RFTN1: variants seen among roughly 807,000 people sequenced by gnomAD.
The protein encoded by RFTN1 is raftlin, lipid raft linker 1, also known as raftlin.
A neutral mutation model predicts 46.5 loss-of-function variants in RFTN1; 26 were observed. The observed-to-expected ratio is 0.56, with a 90% CI of 0.41 to 0.78. RFTN1 has a LOEUF of 0.78. RFTN1 is among the 30% of genes least tolerant of loss of function. The probability of loss-of-function intolerance (pLI) is 0.00; values close to 1 mark genes in which losing one functional copy is unlikely to be tolerated. For synonymous variants in RFTN1, 261 were observed against 284.2 expected (o/e 0.92, Z 0.82); for missense variants, 693 against 718.7 (o/e 0.96, Z 0.41).
At chr3:16,359,259 A>G (rs907098992) in intron 6 of RFTN1, among the ~76,000 whole-genome samples, 6 of 152,054 alleles carry the variant, frequency 3.9e-5, no homozygotes, top group Non-Finnish European at 7.4e-5. Flanking sequence ...TCTCTCATCT[A>G]TGGGATTATG....
rs957893120 is a variant in RFTN1 at position 16,324,621 on chromosome 3, C to CCCCCCCG, written c.1251-1165_1251-1164insCGGGGGG. Among the ~76,000 whole-genome samples the CCCCCCCG allele has an allele frequency of 1.9e-4, 26 of 136,604 alleles. 1 individual carries two copies. Among genetic ancestry groups the CCCCCCCG allele is most frequent in the Non-Finnish European group, 3.1e-4 (19 of 61,280 alleles). The allele number at this position is 136,604 out of a possible 152,430, so 89.6% of individuals were successfully genotyped here. Reference sequence around the variant, plus strand: ...ATAACAGAATGTCCCTGACCCCCCCCCTTTTAAGGTTGCATAGTATTCCAT... The same window carrying CCCCCCCG: ...ATAACAGAATGTCCCTGACCCCCCCCCCCCCCGCTTTTAAGGTTGCATAGTATTCCAT... On this transcript the variant is annotated intron_variant, in intron 8 of 9. Transcript: ENST00000334133.
chr3:16,404,328 A>T (rs1208568247), intron 4 of RFTN1, among the ~76,000 whole-genome samples: 1 of 32,630 alleles, frequency 3.1e-5, no homozygotes, highest in Non-Finnish European at 5.2e-5. Context: ...TATAATATAT[A>T]ATATATAATA....
rs543616660 is a variant in RFTN1 at position 16,360,832 on chromosome 3, T to C, written c.1031-2785A>G. ...TAAAAATATTATGGGAATTTAATGA[T>C]TTGGAAAAATGCTTTAGATACAATA... On this transcript the variant is annotated intron_variant, in intron 6 of 9. Coordinates refer to ENST00000334133, the MANE Select transcript of RFTN1 (RefSeq NM_015150.2). Among the ~76,000 whole-genome samples the C allele has an allele frequency of 2.0e-5, 3 of 152,322 alleles. No homozygotes were observed. In the East Asian group the frequency reaches 5.8e-4, roughly 29 times the overall value.
At chr3:16,369,702 T>C (rs1371657065) in intron 6 of RFTN1, among the ~76,000 whole-genome samples, 1 of 152,218 alleles carries the variant, frequency 6.6e-6, no homozygotes, top group African/African-American at 2.4e-5. Flanking sequence ...TACTTCAAAC[T>C]GTAATAGTGT....
rs2075837821 is a variant in RFTN1 at position 16,452,548 on chromosome 3, G to C, written c.146-18511C>G. On this transcript the variant is annotated intron_variant, in intron 2 of 9. Transcript: ENST00000334133. The surrounding 1 kb of genome is among the most constrained non-coding windows in gnomAD (Gnocchi z 6.3). The stretch of plus-strand genomic sequence containing the variant: ...AACGTTTGTTTTCAATGAATTCACT[G>C]TGAAAACACAATCAGTTTTGTGTTT... 2.0e-5 allele frequency among the ~76,000 whole-genome samples: 3 copies of C among 152,182 alleles called. No individual in the cohort carries two copies. Among genetic ancestry groups the C allele is most frequent in the African/African-American group, 7.2e-5 (3 of 41,442 alleles).
chr3:16,353,122 C>T lies in RFTN1; in HGVS notation c.1146+4810G>A, dbSNP rs548310958. ...GAGCTGGGCAGGGACGTTTTGTGGTCGGAGAGCTAGAGATTATAGGCCTGC... is the reference window on the plus strand; with the variant it reads ...GAGCTGGGCAGGGACGTTTTGTGGTTGGAGAGCTAGAGATTATAGGCCTGC... On this transcript the variant is annotated intron_variant, in intron 7 of 9. Transcript: ENST00000334133. This position sits in a 1 kb window ranked among gnomAD's most constrained non-coding sequence, Gnocchi z 5.4. 3.3e-5 allele frequency among the ~76,000 whole-genome samples: 5 copies of T among 152,202 alleles called. No homozygotes were observed. The East Asian group carries it at 5.8e-4, about 18-fold the overall frequency.
rs2074632923 is a variant in RFTN1, at chr3:16,402,637, G to A, written c.441+6738C>T. On this transcript the variant is annotated intron_variant, in intron 4 of 9. Coordinates refer to ENST00000334133, the MANE Select transcript of RFTN1 (RefSeq NM_015150.2). The surrounding 1 kb of genome is among the most constrained non-coding windows in gnomAD (Gnocchi z 4.5). ...AACAATCAGCCAGAAAGTAAATGAT[G>A]AGTCATTTACATAACAGGCAAAATT... Among the ~76,000 whole-genome samples, 1 of 152,118 alleles carries A rather than the reference G, an allele frequency of 6.6e-6. No homozygotes were observed. Among genetic ancestry groups the A allele is most frequent in the African/African-American group, 2.4e-5 (1 of 41,398 alleles).
rs1243591534 is a variant in RFTN1, at chr3:16,447,190, G to A, written c.146-13153C>T. 6.6e-6 allele frequency among the ~76,000 whole-genome samples: 1 copy of A among 152,136 alleles called. No homozygotes were observed. Among genetic ancestry groups the A allele is most frequent in the African/African-American group, 2.4e-5 (1 of 41,436 alleles). ...AAACCATTCACTAAGTCTACATAAA[G>A]TTCTATGCATTGTAAATGCATTTTA... On this transcript the variant is annotated intron_variant, in intron 2 of 9. Transcript: ENST00000334133. The surrounding 1 kb of genome is among the most constrained non-coding windows in gnomAD (Gnocchi z 5.9).
At position 16,338,794 on chromosome 3, in the gene RFTN1, A is replaced by G. The variant is rs959713383; in HGVS notation, c.1147-11918T>C. On this transcript the variant is annotated intron_variant, in intron 7 of 9. Transcript: ENST00000334133. This position sits in a 1 kb window ranked among gnomAD's most constrained non-coding sequence, Gnocchi z 5.3. ...CCTAGAAAAGAGAAAAGGGATTGAA[A>G]AAAGGAGCTTTTCCAAAGTGTATAA... 2.0e-5 allele frequency among the ~76,000 whole-genome samples: 3 copies of G among 152,206 alleles called. No homozygotes were observed. Among genetic ancestry groups the G allele is most frequent in the African/African-American group, 7.2e-5 (3 of 41,444 alleles).
In RFTN1 at chr3:16,512,416, C is replaced by CTTTTT. The variant is rs111862223; in HGVS notation, c.-9+1021_-9+1025dup. ...GACCACTGACAGAGATTGAGCCAGA[C>CTTTTT]TTTTTTTTTAAAAAAGTACTTCTTG... On this transcript the variant is annotated intron_variant, in intron 1 of 9. Coordinates refer to ENST00000334133, the MANE Select transcript of RFTN1 (RefSeq NM_015150.2). The surrounding 1 kb of genome is among the most constrained non-coding windows in gnomAD (Gnocchi z 4.3). Among the ~76,000 whole-genome samples, 1 of 33,278 alleles carries CTTTTT rather than the reference C, an allele frequency of 3.0e-5. No homozygotes were observed. Among genetic ancestry groups the CTTTTT allele is most frequent in the African/African-American group, 3.4e-4 (1 of 2,910 alleles). The allele number at this position is 33,278 out of a possible 152,430, so 21.8% of individuals were successfully genotyped here.
rs968198769 is a variant in RFTN1, at chr3:16,407,049, A to G, written c.441+2326T>C. ...GACAGATGGACATCTCCACTTGGGT[A>G]CTACAGAAACAACACCCCAGTAGCT... is the stretch of plus-strand genomic sequence containing the variant. On this transcript the variant is annotated intron_variant, in intron 4 of 9. Transcript: ENST00000334133. This position sits in a 1 kb window ranked among gnomAD's most constrained non-coding sequence, Gnocchi z 4.0. Among the ~76,000 whole-genome samples the G allele has an allele frequency of 3.3e-5, 5 of 152,206 alleles. No individual in the cohort carries two copies. The highest frequency in any genetic ancestry group is 1.2e-4 in the African/African-American group (5 of 41,438).
At chr3:16,333,755 G>GA (rs1005100620) in intron 7 of RFTN1, among the ~76,000 whole-genome samples, 4 of 152,080 alleles carry the variant, frequency 2.6e-5, no homozygotes, top group African/African-American at 9.7e-5. Context: ...AAATTGAAAA[G>GA]AAAAAATCCA....
rs1451321212 is a variant in RFTN1, at chr3:16,338,739, CTTCT to C, written c.1147-11867_1147-11864del. On this transcript the variant is annotated intron_variant, in intron 7 of 9. Transcript: ENST00000334133. This position sits in a 1 kb window ranked among gnomAD's most constrained non-coding sequence, Gnocchi z 5.3. ...GGGATCCTATATCATATCTTTAGCC[CTTCT>C]TTCTGATTTTTCACCTTATGTATTA... Among the ~76,000 whole-genome samples, 8 of 152,140 alleles carry C rather than the reference CTTCT, an allele frequency of 5.3e-5. No individual in the cohort carries two copies. Among genetic ancestry groups the C allele is most frequent in the African/African-American group, 1.7e-4 (7 of 41,414 alleles).
At position 16,316,154 on chromosome 3, in the gene RFTN1, T is replaced by C. The variant is rs1380099687; in HGVS notation, c.*674A>G. 1 of 153,004 alleles carries C rather than the reference T, an allele frequency of 6.5e-6. No homozygotes were observed. Among genetic ancestry groups the C allele is most frequent in the Non-Finnish European group, 1.5e-5 (1 of 68,356 alleles). The allele number at this position is 153,004 out of a possible 1,614,324, so 9.5% of individuals were successfully genotyped here. A position where few individuals can be genotyped will look rare whatever the true frequency, so the allele number is the denominator to read the frequency against. On this transcript the variant is annotated 3_prime_UTR_variant, in exon 10 of 10. Transcript: ENST00000334133. The surrounding 1 kb of genome is among the most constrained non-coding windows in gnomAD (Gnocchi z 4.5). ...GAGTACAAAACCTTTAAAAACAACT[T>C]TTTGGCATTAATACTAACACAGAAT...
chr3:16,400,144 G>A lies in RFTN1; in HGVS notation c.441+9231C>T, dbSNP rs548497382. ...GATAAAGGGCCCCATCCTCAGCCTG[G>A]CCTGCAGGGCTGTATGGGGACCCGA... On this transcript the variant is annotated intron_variant, in intron 4 of 9. Transcript: ENST00000334133. The surrounding 1 kb of genome is among the most constrained non-coding windows in gnomAD (Gnocchi z 4.5). 5.9e-5 allele frequency among the ~76,000 whole-genome samples: 9 copies of A among 152,256 alleles called. No individual in the cohort carries two copies. Among genetic ancestry groups the A allele is most frequent in the Non-Finnish European group, 1.3e-4 (9 of 68,020 alleles).
intron 2 of RFTN1, among the ~76,000 whole-genome samples, chr3:16,492,805 T>C (rs984235317): frequency 3.9e-5 from 6 of 152,204 alleles, no homozygotes; most frequent in African/African-American, 7.2e-5. Context: ...TCCCATCAGA[T>C]AGAACACTCC....
rs1233880903 is a variant in RFTN1 at position 16,345,261 on chromosome 3, TG to T, written c.1146+12670del. 2 of 120,150 alleles carry T rather than the reference TG, an allele frequency of 1.7e-5. No individual in the cohort carries two copies. The highest frequency in any genetic ancestry group is 2.0e-4 in the Admixed American group (2 of 10,110). The allele number at this position is 120,150 out of a possible 1,614,324, so 7.4% of individuals were successfully genotyped here. A position where few individuals can be genotyped will look rare whatever the true frequency, so the allele number is the denominator to read the frequency against. On this transcript the variant is annotated intron_variant, in intron 7 of 9. Coordinates refer to ENST00000334133, the MANE Select transcript of RFTN1 (RefSeq NM_015150.2). The surrounding 1 kb of genome is among the most constrained non-coding windows in gnomAD (Gnocchi z 5.2). ...CAGAAACTGTAAGATAATAAGTAGG[TG>T]GTTGTGTGTGTGTGTGTGTGTGTGT...
In RFTN1 at chr3:16,426,689, G is replaced by A. The variant is rs908009041; in HGVS notation, c.332+7162C>T. Among the ~76,000 whole-genome samples, 6 of 151,786 alleles carry A rather than the reference G, an allele frequency of 4.0e-5. No homozygotes were observed. Among genetic ancestry groups the A allele is most frequent in the Non-Finnish European group, 5.9e-5 (4 of 67,932 alleles). On this transcript the variant is annotated intron_variant, in intron 3 of 9. Transcript: ENST00000334133. This position sits in a 1 kb window ranked among gnomAD's most constrained non-coding sequence, Gnocchi z 5.9. ...TGTGTGTGTGTGTGTGTGTGTGTGT[G>A]TGTGTGTGTCTGTTCCATTACTTGA...
chr3:16,500,447 T>C lies in RFTN1; in HGVS notation c.-8-6570A>G, dbSNP rs1218378378. ...TCAAAGGTAGAGGAAATGGAAGAGG[T>C]CTTTCCCCATTTCTATGGTGAAACA... On this transcript the variant is annotated intron_variant, in intron 1 of 9. Transcript: ENST00000334133. The surrounding 1 kb of genome is among the most constrained non-coding windows in gnomAD (Gnocchi z 5.9). 2.0e-5 allele frequency among the ~76,000 whole-genome samples: 3 copies of C among 152,114 alleles called. No homozygotes were observed. The highest frequency in any genetic ancestry group is 4.4e-5 in the Non-Finnish European group (3 of 68,032).
Sources: allele counts gnomAD v4.1 joint callset (sites outside exome capture counted in the v4.1 genomes callset), GRCh38; gene constraint gnomAD v4.1.1; non-coding constraint Gnocchi (gnomAD v3.1); transcripts MANE v1.5; gene names NCBI Gene and HGNC (gene_info 2026-07-23, HGNC 2026-07-21).